CCDC88A: variants seen among roughly 807,000 people sequenced by gnomAD.
CCDC88A encodes girdin.
A neutral mutation model predicts 234.3 loss-of-function variants in CCDC88A; 54 were observed. The ratio of observed to expected loss-of-function variants is 0.23; its 90% CI spans 0.19 to 0.29. The LOEUF is 0.29. Ranked by LOEUF, CCDC88A falls within the 10% of genes least tolerant of loss-of-function variation. The pLI is 1.00. For missense variants in CCDC88A, 1,832 were observed against 2,123.4 expected, an observed-to-expected ratio of 0.86 and a Z score of 2.70; for synonymous variants, 753 against 737.8, an observed-to-expected ratio of 1.02 and a Z score of -0.33.
chr2:55,402,779 G>T (rs190644260), intron 2 of CCDC88A, among the ~76,000 whole-genome samples: 4,361 of 151,776 alleles, frequency 0.029, 115 homozygotes, highest in Non-Finnish European at 0.041. Context: ...GGAGGCCAAG[G>T]CAGGCGGATC....
At chr2:55,404,087 G>T (rs962327936) in intron 2 of CCDC88A, 1 of 152,122 alleles carries the variant, frequency 6.6e-6, no homozygotes, top group African/African-American at 2.4e-5. Flanking sequence ...GTATAGTAAG[G>T]CTTCTTAATC....
At chr2:55,417,057 G>T (rs1681611734) in intron 2 of CCDC88A, 1 of 151,774 alleles carries the variant, frequency 6.6e-6, no homozygotes. Flanking sequence ...ATGAAAAACA[G>T]CAACCTGACA....
intron 22 of CCDC88A, chr2:55,315,196 G>T (rs932501771): frequency 1.3e-5 from 2 of 152,180 alleles, no homozygotes; most frequent in Non-Finnish European, 2.9e-5. Context: ...CCACGCATGG[G>T]GCTTTTCTAT....
In CCDC88A at chr2:55,411,795, A is replaced by AC. The variant is rs1178872717; in HGVS notation, c.164+7020_164+7021insG. 2.3e-4 allele frequency among the ~76,000 whole-genome samples: 33 copies of AC among 142,384 alleles called. 4 individuals are homozygous for AC. Among genetic ancestry groups the AC allele is most frequent in the East Asian group, 1.4e-3 (7 of 4,946 alleles). The allele number at this position is 142,384 out of a possible 152,430, so 93.4% of individuals were successfully genotyped here. On this transcript the variant is annotated intron_variant, in intron 2 of 32. Transcript: ENST00000436346. ...ACTCCGTCTCAAAAAAAAAAAAAAA[A>AC]AAAAAAAACTCAACATATTGGACAG...
intron 2 of CCDC88A, chr2:55,403,716 C>A: frequency 6.6e-6 from 1 of 152,248 alleles, no homozygotes; most frequent in South Asian, 2.1e-4. Context: ...TTAGGCAAAT[C>A]AATTCCTGTT....
At chr2:55,365,117 A>G (rs1258159296) in intron 5 of CCDC88A, among the ~76,000 whole-genome samples, 1 of 152,176 alleles carries the variant, frequency 6.6e-6, no homozygotes, top group Non-Finnish European at 1.5e-5. Flanking sequence ...TATATCTTGT[A>G]AACACAGAAT....
intron 6 of CCDC88A, among the ~76,000 whole-genome samples, 177 bp from the exon 7 acceptor site, chr2:55,362,625 TTAAC>T (rs1190030206): frequency 6.6e-6 from 1 of 151,976 alleles, no homozygotes; most frequent in Non-Finnish European, 1.5e-5. Flanking sequence ...AAAAATTATT[TTAAC>T]TAAATATAAA....
At position 55,332,417 on chromosome 2, in the gene CCDC88A, C is replaced by A; in HGVS notation, c.2855+149G>T. On this transcript the variant is annotated intron_variant, in intron 16 of 32. Coordinates refer to ENST00000436346, the MANE Select transcript of CCDC88A (RefSeq NM_001365480.1). This position sits in a 1 kb window ranked among gnomAD's most constrained non-coding sequence, Gnocchi z 4.5. ...GATTATAGGTGTGAGCCACCGCACC[C>A]GGCTACAGAACTTTCCTTAAGGGAA... is the stretch of plus-strand genomic sequence containing the variant. 24 of 1,318,794 alleles carry A rather than the reference C, an allele frequency of 1.8e-5. No homozygotes were observed. Among genetic ancestry groups the A allele is most frequent in the Non-Finnish European group, 2.3e-5 (24 of 1,031,714 alleles). The allele number at this position is 1,318,794 out of a possible 1,614,324, so 81.7% of individuals were successfully genotyped here. A position where few individuals can be genotyped will look rare whatever the true frequency, so the allele number is the denominator to read the frequency against.
At chr2:55,386,494 G>A (rs1237518961) in intron 3 of CCDC88A, among the ~76,000 whole-genome samples, 2 of 74,542 alleles carry the variant, frequency 2.7e-5, no homozygotes, top group East Asian at 1.2e-3. Context: ...TTTTGTAGAT[G>A]GAGGTTTGCT....
rs538226882 is a variant in CCDC88A at position 55,379,599 on chromosome 2, G to A, written c.274-4716C>T. Among the ~76,000 whole-genome samples the A allele has an allele frequency of 3.9e-5, 6 of 152,290 alleles. 1 individual carries two copies. Among genetic ancestry groups the A allele is most frequent in the African/African-American group, 1.2e-4 (5 of 41,578 alleles). On this transcript the variant is annotated intron_variant, in intron 3 of 32. Transcript: ENST00000436346. ...TAAGAGAAGAAAGACAATAAAACAA[G>A]TAAGTGTTTTTGGTGATAAATGCTA...
intron 9 of CCDC88A, among the ~76,000 whole-genome samples, chr2:55,347,606 C>CTTTTTTTTTTTTTTTTTTTTTT (rs547733323): frequency 9.8e-6 from 1 of 102,152 alleles, no homozygotes; most frequent in African/African-American, 3.9e-5. Flanking sequence ...ATTCATCTAC[C>CTTTTTTTTTTTTTTTTTTTTTT]TTTTTTTTTT....
At chr2:55,344,304 A>C in intron 11 of CCDC88A, 64 bp downstream of exon 11, 5 of 1,167,964 alleles carry the variant, frequency 4.3e-6, no homozygotes, top group South Asian at 2.0e-5. Context: ...AATACAGGGA[A>C]ATCAGCTGAA....
At chr2:55,410,870 G>A (rs1351197183) in intron 2 of CCDC88A, among the ~76,000 whole-genome samples, 1 of 150,342 alleles carries the variant, frequency 6.7e-6, no homozygotes, top group African/African-American at 2.4e-5. Flanking sequence ...TCCAGTCTCG[G>A]CAAGAGAGAG....
intron 12 of CCDC88A, among the ~76,000 whole-genome samples, chr2:55,340,606 C>G (rs149485377): frequency 3.9e-5 from 6 of 152,150 alleles, no homozygotes; most frequent in Non-Finnish European, 8.8e-5. Context: ...TATAAACTTA[C>G]AGGATACATT....
At position 55,332,613 on chromosome 2, in the gene CCDC88A, C is replaced by G; in HGVS notation, c.2808G>C (p.Gly936=). The change falls in exon 16 of 33, where the codon GGG becomes GGC. Residue 936 remains glycine, a synonymous_variant. Transcript: ENST00000436346. The surrounding 1 kb of genome is among the most constrained non-coding windows in gnomAD (Gnocchi z 4.5). ...EKLTHELEKI[G]LNKERLLHDE... Reference sequence around the variant, plus strand: ...CATGTAAGAGTCGCTCCTTATTTAACCCTATCTTCTCAAGCTCATGAGTTA... The same window carrying G: ...CATGTAAGAGTCGCTCCTTATTTAAGCCTATCTTCTCAAGCTCATGAGTTA... The G allele has an allele frequency of 6.3e-7, 1 of 1,596,112 alleles. No individual in the cohort carries two copies. The highest frequency in any genetic ancestry group is 1.3e-5 in the African/African-American group (1 of 74,332).
intron 5 of CCDC88A, among the ~76,000 whole-genome samples, chr2:55,368,832 TAGAGAGG>T (rs1235206891): frequency 1.4e-4 from 22 of 152,310 alleles, no homozygotes; most frequent in African/African-American, 5.1e-4. Flanking sequence ...TTTTCTGAAA[TAGAGAGG>T]ACATTTTACA....
At chr2:55,369,446 A>G (rs1253921992) in intron 5 of CCDC88A, among the ~76,000 whole-genome samples, 9 of 123,822 alleles carry the variant, frequency 7.3e-5, no homozygotes, top group African/African-American at 2.7e-4. Flanking sequence ...CGTTTCAACC[A>G]CACTTTTTTT....
intron 3 of CCDC88A, among the ~76,000 whole-genome samples, chr2:55,376,548 G>T (rs1673677456): frequency 2.0e-5 from 3 of 152,060 alleles, no homozygotes. Flanking sequence ...ATTCTTTATA[G>T]ATATATACAA....
At chr2:55,322,896 A>G (rs1364271951) in intron 17 of CCDC88A, 2 of 370,992 alleles carry the variant, frequency 5.4e-6, no homozygotes, top group Admixed American at 4.4e-5. Flanking sequence ...CTTATGTGCC[A>G]GAGTAATAGT....
Sources: gnomAD v4.1 joint callset for allele counts (sites outside exome capture counted in the v4.1 genomes callset) on GRCh38, gnomAD v4.1.1 for gene constraint, Gnocchi (gnomAD v3.1) non-coding constraint, MANE v1.5 for transcripts, NCBI Gene and HGNC (gene_info 2026-07-23, HGNC 2026-07-21) for gene names.